The following SLC17A3 variants were observed in gnomAD, a reference collection of about 807,000 sequenced individuals.
SLC17A3 encodes solute carrier family 17 member 3.
In SLC17A3, 61 loss-of-function variants were observed where a neutral mutation model predicts 60.3. The observed-to-expected ratio is 1.01, with a 90% CI of 0.82 to 1.25. The LOEUF (loss-of-function observed/expected upper bound fraction) is 1.25, where lower values mean the gene tolerates loss of function less well. SLC17A3 is among the 50% of genes most tolerant of loss of function. SLC17A3 has a pLI of 0.00. For missense variants in SLC17A3, 624 were observed against 594.9 expected (o/e 1.05, Z -0.51); for synonymous variants, 192 against 208.9 (o/e 0.92, Z 0.70).
Position 25,844,911 on chromosome 6 carries a change from C to G in SLC17A3, c.*390G>C. On this transcript the variant is annotated 3_prime_UTR_variant, in exon 13 of 13. Transcript: ENST00000397060. ...TAGGGAAGAACACATGGACAATACT[C>G]AACCCAATAAATAGAAAGTAATATT... 5.3e-6 allele frequency: 1 copy of G among 189,664 alleles called. No homozygotes were observed. Among genetic ancestry groups the G allele is most frequent in the South Asian group, 9.8e-5 (1 of 10,232 alleles). The allele number at this position is 189,664 out of a possible 1,614,324, so 11.7% of individuals were successfully genotyped here.
intron 1 of SLC17A3, among the ~76,000 whole-genome samples, chr6:25,871,710 C>T (rs866941457): frequency 1.9e-4 from 29 of 152,082 alleles, no homozygotes; most frequent in African/African-American, 6.3e-4. Flanking sequence ...TCTTAGTTTC[C>T]CCTTCCTTAG....
At chr6:25,870,319 G>A (rs1274780030) in intron 1 of SLC17A3, among the ~76,000 whole-genome samples, 4 of 152,034 alleles carry the variant, frequency 2.6e-5, no homozygotes, top group African/African-American at 7.2e-5. Context: ...TGACATAGCT[G>A]GGTCAACCTG....
chr6:25,858,202 C>T (rs1013854446), intron 5 of SLC17A3, among the ~76,000 whole-genome samples: 6 of 87,976 alleles, frequency 6.8e-5, no homozygotes, highest in African/African-American at 2.8e-4. Flanking sequence ...CAAAACAAAA[C>T]ACACCCTTCA....
intron 6 of SLC17A3, among the ~76,000 whole-genome samples, chr6:25,851,115 T>A (rs1375616703): frequency 6.6e-6 from 1 of 152,192 alleles, no homozygotes; most frequent in East Asian, 1.9e-4. Context: ...TATTAGCCAT[T>A]CTGATAGGTG....
At chr6:25,856,413 T>G (rs1765356975) in intron 5 of SLC17A3, among the ~76,000 whole-genome samples, 1 of 152,158 alleles carries the variant, frequency 6.6e-6, no homozygotes, top group African/African-American at 2.4e-5. Context: ...CTTAAAAAAA[T>G]TCTTTATAGA....
rs1391355283 is a variant in SLC17A3 at position 25,849,903 on chromosome 6, G to A, written c.1173C>T (p.Ser391=). 1.3e-5 allele frequency: 21 copies of A among 1,613,916 alleles called. No individual in the cohort carries two copies. Among genetic ancestry groups the A allele is most frequent in the East Asian group, 4.5e-5 (2 of 44,896 alleles). The change falls in exon 10 of 13, where the codon TCC becomes TCT. Residue 391 remains serine (S), a synonymous_variant. Transcript: ENST00000397060. ...ALIVSLPYLN[S]GYITATALLT... ...GCAAGGCAGTTGCTGTGATATAGCC[G>A]GAATTGAGGTAAGGCAGAGACACAA... is the stretch of plus-strand genomic sequence containing the variant.
At position 25,849,356 on chromosome 6, in the gene SLC17A3, A is replaced by G; in HGVS notation, c.1362+18T>C. The G allele has an allele frequency of 6.9e-7, 1 of 1,459,276 alleles. No individual in the cohort carries two copies. Among genetic ancestry groups the G allele is most frequent in the African/African-American group, 1.4e-5 (1 of 71,064 alleles). The allele number at this position is 1,459,276 out of a possible 1,614,324, so 90.4% of individuals were successfully genotyped here. A position where few individuals can be genotyped will look rare whatever the true frequency, so the allele number is the denominator to read the frequency against. ...TAGCAGAGCATCTTTGGAGTCCTTC[A>G]TGACAAAAAAATTGTACCTGACTAA... is the stretch of plus-strand genomic sequence containing the variant. On this transcript the variant is annotated intron_variant, in intron 11 of 12. Transcript: ENST00000397060.
intron 5 of SLC17A3, among the ~76,000 whole-genome samples, chr6:25,858,570 A>G (rs1765397019): frequency 6.6e-6 from 1 of 151,950 alleles, no homozygotes; most frequent in South Asian, 2.1e-4. Context: ...TAAGTCCTGA[A>G]TGCTGGAAGT....
chr6:25,873,060 C>T (rs1354908746), intron 1 of SLC17A3, among the ~76,000 whole-genome samples: 1 of 151,988 alleles, frequency 6.6e-6, no homozygotes, highest in East Asian at 1.9e-4. Flanking sequence ...TGGATTCAAG[C>T]TCTGCTGACC....
chr6:25,860,640 T>C (rs1306063007), intron 5 of SLC17A3, among the ~76,000 whole-genome samples: 1 of 152,134 alleles, frequency 6.6e-6, no homozygotes, highest in Non-Finnish European at 1.5e-5. Context: ...ACACCAAAGA[T>C]GAGAAAACTT....
At chr6:25,859,170 A>G (rs983490540) in intron 5 of SLC17A3, among the ~76,000 whole-genome samples, 3 of 152,244 alleles carry the variant, frequency 2.0e-5, no homozygotes, top group African/African-American at 7.2e-5. Flanking sequence ...ATTAAAGATA[A>G]GTAATTTACT....
chr6:25,845,190 G>T lies in SLC17A3; in HGVS notation c.*111C>A. 3.7e-6 allele frequency: 2 copies of T among 542,076 alleles called. No homozygotes were observed. The highest frequency in any genetic ancestry group is 3.1e-6 in the Non-Finnish European group (1 of 320,846). 33.6% of individuals were successfully genotyped at this position (542,076 alleles called of 1,614,324 possible). On this transcript the variant is annotated 3_prime_UTR_variant, in exon 13 of 13. Coordinates refer to ENST00000397060, the MANE Select transcript of SLC17A3 (RefSeq NM_001098486.2). Reference sequence around the variant, plus strand: ...AAAATAATGAACTGATCTCATAATTGAAAAGAGCCACAGGAAAAAAAAAAT... The same window carrying T: ...AAAATAATGAACTGATCTCATAATTTAAAAGAGCCACAGGAAAAAAAAAAT...
intron 2 of SLC17A3, among the ~76,000 whole-genome samples, chr6:25,864,709 C>T (rs1207067062): frequency 6.6e-6 from 1 of 151,826 alleles, no homozygotes; most frequent in Non-Finnish European, 1.5e-5. Flanking sequence ...TCTTAGGCAC[C>T]AAAGAGAAGA....
At chr6:25,863,971 A>G (rs1214207320) in intron 2 of SLC17A3, among the ~76,000 whole-genome samples, 4 of 152,080 alleles carry the variant, frequency 2.6e-5, no homozygotes, top group Non-Finnish European at 5.9e-5. Context: ...AATATGAAAC[A>G]CAAACAGTAA....
At chr6:25,861,393 A>C (rs1434328763) in intron 5 of SLC17A3, among the ~76,000 whole-genome samples, 1 of 152,166 alleles carries the variant, frequency 6.6e-6, no homozygotes, top group African/African-American at 2.4e-5. Context: ...GAACACATAA[A>C]AATACTTTTT....
chr6:25,867,644 C>G (rs915929439), intron 2 of SLC17A3, among the ~76,000 whole-genome samples: 1 of 151,802 alleles, frequency 6.6e-6, no homozygotes, highest in Non-Finnish European at 1.5e-5. Context: ...GAAAACCCTA[C>G]AAATTAAATA....
At chr6:25,870,726 G>A (rs1765627737) in intron 1 of SLC17A3, among the ~76,000 whole-genome samples, 1 of 151,962 alleles carries the variant, frequency 6.6e-6, no homozygotes, top group African/African-American at 2.4e-5. Flanking sequence ...CCTACAACAT[G>A]GACTCATGAC....
intron 1 of SLC17A3, among the ~76,000 whole-genome samples, chr6:25,873,263 C>T (rs1581536116): frequency 6.6e-6 from 1 of 152,154 alleles, no homozygotes; most frequent in Admixed American, 6.5e-5. Flanking sequence ...TCAAGTAAAT[C>T]CCTTTTGTTT....
chr6:25,850,683 T>A, intron 7 of SLC17A3, 63 bp from the exon 8 acceptor site: 1 of 1,610,528 alleles, frequency 6.2e-7, no homozygotes, highest in Non-Finnish European at 8.5e-7. Flanking sequence ...TTAGTCACCC[T>A]TAAAAATCCA....
Sources: allele counts gnomAD v4.1 joint callset (sites outside exome capture counted in the v4.1 genomes callset), GRCh38; gene constraint gnomAD v4.1.1; transcripts MANE v1.5; gene names NCBI Gene and HGNC (gene_info 2026-07-23, HGNC 2026-07-21).